The following CLSTN2 variants were observed in gnomAD, a reference collection of about 807,000 sequenced individuals.
CLSTN2 encodes the protein calsyntenin 2, also known as calsyntenin-2.
Under a neutral mutation model 101.2 loss-of-function variants are expected in CLSTN2, and 48 were observed. That is an observed-to-expected ratio of 0.47 (90% CI 0.38 to 0.60). The LOEUF is 0.60. CLSTN2 is among the 20% of genes least tolerant of loss of function. CLSTN2 has a pLI of 0.00. For missense variants in CLSTN2, 1,160 were observed against 1,238.2 expected (o/e 0.94, Z 0.95); for synonymous variants, 481 against 463.6 (o/e 1.04, Z -0.48).
At chr3:140,563,518 C>A (rs906820325) in intron 15 of CLSTN2, among the ~76,000 whole-genome samples, 1 of 152,164 alleles carries the variant, frequency 6.6e-6, no homozygotes, top group South Asian at 2.1e-4. Flanking sequence ...CTCACACACA[C>A]GTACACACCA....
intron 1 of CLSTN2, among the ~76,000 whole-genome samples, chr3:140,144,510 G>A (rs1010515266): frequency 7.2e-5 from 11 of 152,094 alleles, no homozygotes; most frequent in African/African-American, 2.4e-4. Context: ...CAGCTACTCA[G>A]AGGCTGAGGC....
intron 2 of CLSTN2, among the ~76,000 whole-genome samples, chr3:140,359,377 T>C (rs2087704590): frequency 6.6e-6 from 1 of 152,216 alleles, no homozygotes; most frequent in Non-Finnish European, 1.5e-5. Context: ...AACTAGCTCT[T>C]CTGCTCTAAA....
At chr3:140,259,637 C>A (rs1242877379) in intron 2 of CLSTN2, among the ~76,000 whole-genome samples, 1 of 152,110 alleles carries the variant, frequency 6.6e-6, no homozygotes, top group Non-Finnish European at 1.5e-5. Flanking sequence ...TCCCTCCCAC[C>A]TTTTCAAACC....
intron 2 of CLSTN2, among the ~76,000 whole-genome samples, chr3:140,220,048 C>T (rs2086252945): frequency 6.6e-6 from 1 of 152,166 alleles, no homozygotes; most frequent in Non-Finnish European, 1.5e-5. Context: ...AGCCTGGGTT[C>T]AAATCTAGAC....
At chr3:140,194,987 C>T (rs538880136) in intron 2 of CLSTN2, among the ~76,000 whole-genome samples, 16 of 152,284 alleles carry the variant, frequency 1.1e-4, no homozygotes, top group East Asian at 3.9e-4. Context: ...CATTGTACTA[C>T]GGGAGGGTCC....
In CLSTN2 at chr3:140,552,968, G is replaced by A. The variant is rs559555583; in HGVS notation, c.1675-3545G>A. On this transcript the variant is annotated intron_variant, in intron 10 of 16. Transcript: ENST00000458420. ...CTCAAATCTGAAACTGATGACTTGC[G>A]AATACCTCATAACTAATCGTGACTC... is the stretch of plus-strand genomic sequence containing the variant. Among the ~76,000 whole-genome samples the A allele has an allele frequency of 3.5e-4, 53 of 152,298 alleles. No individual in the cohort carries two copies. In the Middle Eastern group the frequency reaches 0.01, roughly 29 times the overall value.
intron 1 of CLSTN2, among the ~76,000 whole-genome samples, chr3:140,034,315 A>G (rs1284495467): frequency 6.6e-6 from 1 of 152,212 alleles, no homozygotes; most frequent in Non-Finnish European, 1.5e-5. Context: ...GAGTAGTGCT[A>G]TGGGGAAGCA....
intron 8 of CLSTN2, among the ~76,000 whole-genome samples, chr3:140,471,508 C>T (rs1442468196): frequency 6.6e-6 from 1 of 152,266 alleles, no homozygotes; most frequent in South Asian, 2.1e-4. Context: ...ATTCAGTTGG[C>T]TGTTGCCCTC....
chr3:140,042,612 G>A (rs1362856142), intron 1 of CLSTN2, among the ~76,000 whole-genome samples: 1 of 152,100 alleles, frequency 6.6e-6, no homozygotes, highest in African/African-American at 2.4e-5. Flanking sequence ...CCATGTTGGT[G>A]TGCTGCACCC....
At chr3:140,439,578 G>A (rs2088736316) in intron 5 of CLSTN2, among the ~76,000 whole-genome samples, 1 of 152,240 alleles carries the variant, frequency 6.6e-6, no homozygotes, top group Non-Finnish European at 1.5e-5. Context: ...TATTGAGAAT[G>A]TCTAGGGACT....
intron 2 of CLSTN2, among the ~76,000 whole-genome samples, chr3:140,209,824 C>A (rs903022816): frequency 6.6e-6 from 1 of 152,104 alleles, no homozygotes. Context: ...CAGAAGAGGG[C>A]TTTTCAGTGG....
At chr3:140,417,691 G>A (rs372068612) in intron 4 of CLSTN2, among the ~76,000 whole-genome samples, 25 of 152,292 alleles carry the variant, frequency 1.6e-4, no homozygotes, top group African/African-American at 4.1e-4. Context: ...TGAGAAGACC[G>A]TGATAGAAAA....
chr3:140,025,842 A>C (rs2007408705), intron 1 of CLSTN2, among the ~76,000 whole-genome samples: 1 of 152,174 alleles, frequency 6.6e-6, no homozygotes, highest in Non-Finnish European at 1.5e-5. Context: ...CATGCGATGG[A>C]GACAGAAGCA....
At chr3:140,505,410 A>G (rs1934668170) in intron 8 of CLSTN2, among the ~76,000 whole-genome samples, 2 of 152,186 alleles carry the variant, frequency 1.3e-5, no homozygotes, top group African/African-American at 4.8e-5. Flanking sequence ...TCAGATACAC[A>G]CACAGGCAGC....
chr3:140,241,136 CAAGAA>C (rs2086463303), intron 2 of CLSTN2, among the ~76,000 whole-genome samples: 5 of 152,050 alleles, frequency 3.3e-5, no homozygotes, highest in Admixed American at 2.0e-4. Context: ...TCAAAGAAAA[CAAGAA>C]AAGAATACTA....
intron 2 of CLSTN2, among the ~76,000 whole-genome samples, chr3:140,352,497 T>C (rs1466525744): frequency 6.6e-6 from 1 of 152,204 alleles, no homozygotes; most frequent in Non-Finnish European, 1.5e-5. Context: ...GTTTATTAAC[T>C]AGGATTCTGG....
In CLSTN2 at chr3:140,474,461, T is replaced by C. The variant is rs574541378; in HGVS notation, c.1344+7730T>C. Among the ~76,000 whole-genome samples the C allele has an allele frequency of 5.3e-5, 8 of 152,252 alleles. No homozygotes were observed. The South Asian group carries it at 1.7e-3, about 32-fold the overall frequency. ...CCATGGAGCAGATTTGGAGCTTTTC[T>C]TTTTCTCTAGTCACATTTTTCTAAT... On this transcript the variant is annotated intron_variant, in intron 8 of 16. Coordinates refer to ENST00000458420, the MANE Select transcript of CLSTN2 (RefSeq NM_022131.3).
intron 8 of CLSTN2, among the ~76,000 whole-genome samples, chr3:140,511,541 CTTTTTTTTTTTTTT>C (rs59924727): frequency 1.4e-5 from 1 of 70,848 alleles, no homozygotes; most frequent in South Asian, 4.5e-4. Flanking sequence ...TGTTTCTGGA[CTTTTTTTTTTTTTT>C]TTTTTTTTTT....
At chr3:140,304,279 C>T (rs1055836208) in intron 2 of CLSTN2, among the ~76,000 whole-genome samples, 2 of 152,182 alleles carry the variant, frequency 1.3e-5, no homozygotes, top group African/African-American at 4.8e-5. Flanking sequence ...GATGATGGAG[C>T]TCTGAATCTT....
Sources: gnomAD v4.1 joint callset for allele counts (sites outside exome capture counted in the v4.1 genomes callset) on GRCh38, gnomAD v4.1.1 for gene constraint, MANE v1.5 for transcripts, NCBI Gene and HGNC (gene_info 2026-07-23, HGNC 2026-07-21) for gene names.